Variants in FUT4 observed in about 807,000 individuals in gnomAD.
FUT4 encodes fucosyltransferase 4, also known as alpha-(1,3)-fucosyltransferase 4.
A neutral mutation model predicts 3.8 loss-of-function variants in FUT4; 1 was observed. The observed-to-expected ratio is 0.26, with a 90% CI of 0.09 to 1.25. The LOEUF is 1.25. FUT4 is among the 50% of genes most tolerant of loss of function. The probability of loss-of-function intolerance (pLI) is 0.47; values close to 1 mark genes in which losing one functional copy is unlikely to be tolerated. For synonymous variants in FUT4, 417 were observed against 355.3 expected (o/e 1.17, Z -1.95); for missense variants, 880 against 768.2 (o/e 1.15, Z -1.72).
At position 94,544,914 on chromosome 11, in the gene FUT4, G is replaced by T. The variant is rs1365492663; in HGVS notation, c.781G>T (p.Glu261Ter). 6.8e-6 allele frequency: 11 copies of T among 1,608,334 alleles called. No individual in the cohort carries two copies. The East Asian group carries it at 2.2e-4, about 33-fold the overall frequency. ...PPWGIQAHTA[E>*]EVDLRVLDYE... Reference sequence around the variant, plus strand: ...CTGGGGCATCCAGGCGCACACTGCCGAGGAGGTGGATCTGCGCGTGTTGGA... The same window carrying T: ...CTGGGGCATCCAGGCGCACACTGCCTAGGAGGTGGATCTGCGCGTGTTGGA... The change falls in exon 1 of 1, where the codon GAG becomes TAG. Residue 261 changes from glutamate to a stop codon, truncating the protein, a stop_gained. Coordinates refer to ENST00000358752, the MANE Select transcript of FUT4 (RefSeq NM_002033.4). LOFTEE classifies it low-confidence loss of function (END_TRUNC).
rs960153865 is a variant in FUT4, at chr11:94,544,715, G to A, written c.582G>A (p.Trp194Ter). The A allele has an allele frequency of 3.2e-6, 5 of 1,566,928 alleles. No individual in the cohort carries two copies. The highest frequency in any genetic ancestry group is 3.7e-5 in the Admixed American group (2 of 53,764). The change falls in exon 1 of 1, where the codon TGG (tryptophan) becomes TGA (stop). Residue 194 changes from tryptophan to a stop codon, truncating the protein, a stop_gained. Coordinates refer to ENST00000358752, the MANE Select transcript of FUT4 (RefSeq NM_002033.4). LOFTEE classifies it low-confidence loss of function (END_TRUNC). ...TPSRPVGVLL[W>*]WEPFGGRDSA... is the part of the protein sequence containing the mutation. ...CGCGACCGGTGGGCGTGCTGCTGTG[G>A]TGGGAGCCCTTCGGGGGGCGCGATA...
rs1947823989 is a variant in FUT4 at position 94,543,933 on chromosome 11, C to A, written c.-201C>A. ...GACGCTATCCTCCGTTCCGCGGCGC[C>A]GGGTCCGCCTTCCGTCTGTTCTAGG... is the stretch of plus-strand genomic sequence containing the variant. On this transcript the variant is annotated 5_prime_UTR_variant, in exon 1 of 1. Transcript: ENST00000358752. 1.4e-6 allele frequency: 1 copy of A among 713,592 alleles called. No homozygotes were observed. Among genetic ancestry groups the A allele is most frequent in the South Asian group, 7.4e-5 (1 of 13,572 alleles). 44.2% of individuals were successfully genotyped at this position (713,592 alleles called of 1,614,324 possible).
rs951661175 is a variant in FUT4, at chr11:94,547,944, T to A, written c.*2218T>A. The A allele has an allele frequency of 1.2e-5, 2 of 167,036 alleles. No individual in the cohort carries two copies. Among genetic ancestry groups the A allele is most frequent in the Admixed American group, 1.3e-4 (2 of 15,288 alleles). 10.3% of individuals were successfully genotyped at this position (167,036 alleles called of 1,614,324 possible). Reference sequence around the variant, plus strand: ...CAGGCACCCAATTGATGATTTTATATCTTCCTTCTTTGCTTGCAGTGATTT... The same window carrying A: ...CAGGCACCCAATTGATGATTTTATAACTTCCTTCTTTGCTTGCAGTGATTT... On this transcript the variant is annotated 3_prime_UTR_variant, in exon 1 of 1. Transcript: ENST00000358752.
At position 94,544,418 on chromosome 11, in the gene FUT4, G is replaced by T. The variant is rs755839269; in HGVS notation, c.285G>T (p.Arg95=). 3 of 1,525,544 alleles carry T rather than the reference G, an allele frequency of 2.0e-6. No individual in the cohort carries two copies. In the Admixed American group the frequency reaches 5.9e-5, roughly 30 times the overall value. The allele number at this position is 1,525,544 out of a possible 1,614,324, so 94.5% of individuals were successfully genotyped here. A position where few individuals can be genotyped will look rare whatever the true frequency, so the allele number is the denominator to read the frequency against. The change falls in exon 1 of 1, where the codon CGG becomes CGT. Residue 95 remains arginine (R), a synonymous_variant. Transcript: ENST00000358752. ...HSRASGERQR[R]LEPQLQHESR... ...GGGCCAGCGGCGAGCGGCAGCGACG[G>T]CTGGAGCCGCAGCTACAGCATGAGA...
rs1220092615 is a variant in FUT4, at chr11:94,547,618, G to A, written c.*1892G>A. On this transcript the variant is annotated 3_prime_UTR_variant, in exon 1 of 1. Coordinates refer to ENST00000358752, the MANE Select transcript of FUT4 (RefSeq NM_002033.4). ...TGTCCTCATTAAAGTATTAAAGTGT[G>A]GGCAGAATTACAATTACAAAGTGCC... 2 of 166,936 alleles carry A rather than the reference G, an allele frequency of 1.2e-5. No individual in the cohort carries two copies. The highest frequency in any genetic ancestry group is 2.9e-5 in the Non-Finnish European group (2 of 68,120). 10.3% of individuals were successfully genotyped at this position (166,936 alleles called of 1,614,324 possible). A position where few individuals can be genotyped will look rare whatever the true frequency, so the allele number is the denominator to read the frequency against.
At position 94,544,860 on chromosome 11, in the gene FUT4, G is replaced by T; in HGVS notation, c.727G>T (p.Val243Leu). 6.2e-7 allele frequency: 1 copy of T among 1,608,262 alleles called. No individual in the cohort carries two copies. Among genetic ancestry groups the T allele is most frequent in the Non-Finnish European group, 8.5e-7 (1 of 1,179,540 alleles). ...QAVLFHHRDL[V>L]KGPPDWPPPW... The stretch of plus-strand genomic sequence containing the variant: ...CGTGCTTTTCCACCACCGCGACCTC[G>T]TGAAGGGGCCCCCCGACTGGCCCCC... Residue 243 changes from valine (V) to leucine (L), a missense_variant, in exon 1 of 1, where the codon GTG (valine) becomes TTG (leucine). This residue lies in a region of FUT4 where 424 missense variants were observed against 400.4 expected (regional missense o/e 1.06). Transcript: ENST00000358752.
chr11:94,544,952 AGCG>A lies in FUT4; in HGVS notation c.828_830del (p.Ala277del). On this transcript the variant is annotated inframe_deletion, in exon 1 of 1. Coordinates refer to ENST00000358752, the MANE Select transcript of FUT4 (RefSeq NM_002033.4). ...TGCGCGTGTTGGACTACGAGGAGGC[AGCG>A]GCGGCGGCAGAAGCCCTGGCGACCT... 1 of 1,605,678 alleles carries A rather than the reference AGCG, an allele frequency of 6.2e-7. No homozygotes were observed. Among genetic ancestry groups the A allele is most frequent in the Non-Finnish European group, 8.5e-7 (1 of 1,176,622 alleles).
rs918815153 is a variant in FUT4, at chr11:94,546,624, C to T, written c.*898C>T. 6.0e-6 allele frequency: 1 copy of T among 166,180 alleles called. No homozygotes were observed. Among genetic ancestry groups the T allele is most frequent in the Non-Finnish European group, 1.5e-5 (1 of 68,086 alleles). 10.3% of individuals were successfully genotyped at this position (166,180 alleles called of 1,614,324 possible). On this transcript the variant is annotated 3_prime_UTR_variant, in exon 1 of 1. Transcript: ENST00000358752. ...AAATAAAGCAGAAGCAACCTTTTTC[C>T]CTCTTCCCAGAAAACCAGTCTGTGT...
rs1293365298 is a variant in FUT4, at chr11:94,544,978, C to T, written c.845C>T (p.Thr282Ile). Residue 282 changes from threonine to isoleucine, a missense_variant, in exon 1 of 1, where the codon ACC becomes ATC. By Grantham distance (89) the Thr-to-Ile change is moderately conservative (BLOSUM62 -1). Transcript: ENST00000358752. The part of the protein sequence containing the change: ...EAAAAAEALA[T>I]SSPRPPGQRW... Reference sequence around the variant, plus strand: ...GCGGCGGCGGCAGAAGCCCTGGCGACCTCCAGCCCCAGGCCCCCGGGCCAG... The same window carrying T: ...GCGGCGGCGGCAGAAGCCCTGGCGATCTCCAGCCCCAGGCCCCCGGGCCAG... The T allele has an allele frequency of 3.1e-6, 5 of 1,606,244 alleles. No individual in the cohort carries two copies. The highest frequency in any genetic ancestry group is 3.4e-6 in the Non-Finnish European group (4 of 1,176,580).
At position 94,545,050 on chromosome 11, in the gene FUT4, T is replaced by G; in HGVS notation, c.917T>G (p.Leu306Arg). ...GAGTCGCCCTCGCACTCCCCGGGGCTGCGAAGCCTGGCAAGTAACCTCTTC... is the reference window on the plus strand; with the variant it reads ...GAGTCGCCCTCGCACTCCCCGGGGCGGCGAAGCCTGGCAAGTAACCTCTTC... ...NFESPSHSPG[L>R]RSLASNLFNW... The change falls in exon 1 of 1, where the codon CTG becomes CGG. Residue 306 changes from leucine (L) to arginine (R), a missense_variant. Physicochemically the swap from Leu to Arg is moderately radical, Grantham distance 102. Transcript: ENST00000358752. 1 of 1,612,276 alleles carries G rather than the reference T, an allele frequency of 6.2e-7. No individual in the cohort carries two copies. The highest frequency in any genetic ancestry group is 8.5e-7 in the Non-Finnish European group (1 of 1,179,528).
chr11:94,547,066 A>G lies in FUT4; in HGVS notation c.*1340A>G, dbSNP rs1470347430. 3.0e-5 allele frequency: 5 copies of G among 167,126 alleles called. No homozygotes were observed. 10.4% of individuals were successfully genotyped at this position (167,126 alleles called of 1,614,324 possible). ...GCTATGGAACCAATCTTGAACATACATGCATTGACTTGACAAGTTACTGAG... is the reference window on the plus strand; with the variant it reads ...GCTATGGAACCAATCTTGAACATACGTGCATTGACTTGACAAGTTACTGAG... On this transcript the variant is annotated 3_prime_UTR_variant, in exon 1 of 1. Transcript: ENST00000358752.
rs1317808523 is a variant in FUT4 at position 94,544,114 on chromosome 11, G to C, written c.-20G>C. The C allele has an allele frequency of 1.4e-6, 2 of 1,382,014 alleles. No individual in the cohort carries two copies. Among genetic ancestry groups the C allele is most frequent in the African/African-American group, 1.5e-5 (1 of 65,048 alleles). 85.6% of individuals were successfully genotyped at this position (1,382,014 alleles called of 1,614,324 possible). A position where few individuals can be genotyped will look rare whatever the true frequency, so the allele number is the denominator to read the frequency against. ...CGCAGAGGGAAACCGGATCAGTTGA[G>C]AGAGAATCAAGAGTAGCGGATGAGG... On this transcript the variant is annotated 5_prime_UTR_variant, in exon 1 of 1. Transcript: ENST00000358752.
In FUT4 at chr11:94,545,763, A is replaced by G. The variant is rs955334999; in HGVS notation, c.*37A>G. 4 of 1,581,450 alleles carry G rather than the reference A, an allele frequency of 2.5e-6. No homozygotes were observed. Among genetic ancestry groups the G allele is most frequent in the African/African-American group, 2.7e-5 (2 of 74,034 alleles). ...CCTGGAAGCGACCCAGGGGAGGCCAAGTTGTCAGCTTTTTGATCCTCTACT... is the reference window on the plus strand; with the variant it reads ...CCTGGAAGCGACCCAGGGGAGGCCAGGTTGTCAGCTTTTTGATCCTCTACT... On this transcript the variant is annotated 3_prime_UTR_variant, in exon 1 of 1. Coordinates refer to ENST00000358752, the MANE Select transcript of FUT4 (RefSeq NM_002033.4).
rs548474022 is a variant in FUT4 at position 94,546,737 on chromosome 11, A to G, written c.*1011A>G. ...TACTGGACCTGAAATTTAAACTGCA[A>G]TGCCAGTCCTGCAGGAGTGCTGGCA... On this transcript the variant is annotated 3_prime_UTR_variant, in exon 1 of 1. Coordinates refer to ENST00000358752, the MANE Select transcript of FUT4 (RefSeq NM_002033.4). 6.0e-6 allele frequency: 1 copy of G among 167,100 alleles called. No individual in the cohort carries two copies. Among genetic ancestry groups the G allele is most frequent in the East Asian group, 1.9e-4 (1 of 5,190 alleles). 10.4% of individuals were successfully genotyped at this position (167,100 alleles called of 1,614,324 possible). A position where few individuals can be genotyped will look rare whatever the true frequency, so the allele number is the denominator to read the frequency against.
Position 94,544,685 on chromosome 11 carries a change from C to G in FUT4, c.552C>G (p.Thr184=). The change falls in exon 1 of 1, where the codon ACC becomes ACG. Residue 184 remains threonine, a synonymous_variant. Coordinates refer to ENST00000358752, the MANE Select transcript of FUT4 (RefSeq NM_002033.4). The stretch of plus-strand genomic sequence containing the variant: ...CGCCGCTGCCCTGGGCGTCGCCAAC[C>G]CCGTCGCGACCGGTGGGCGTGCTGC... ...QLPPLPWASP[T]PSRPVGVLLW... 1 of 1,542,924 alleles carries G rather than the reference C, an allele frequency of 6.5e-7. No homozygotes were observed. The highest frequency in any genetic ancestry group is 8.6e-7 in the Non-Finnish European group (1 of 1,158,780).
chr11:94,545,624 C>T lies in FUT4; in HGVS notation c.1491C>T (p.Thr497=), dbSNP rs1251832355. 6.2e-7 allele frequency: 1 copy of T among 1,613,144 alleles called. No individual in the cohort carries two copies. Among genetic ancestry groups the T allele is most frequent in the East Asian group, 2.2e-5 (1 of 44,866 alleles). ...HWRRSYAVHI[T]SFWDEPWCRV... is the part of the protein sequence containing the mutation. ...GCCGGAGCTACGCTGTCCACATCAC[C>T]TCCTTCTGGGACGAGCCTTGGTGCC... The change falls in exon 1 of 1, where the codon ACC becomes ACT. Residue 497 remains threonine, a synonymous_variant. Transcript: ENST00000358752.
Position 94,546,092 on chromosome 11 carries a change from C to T in FUT4, c.*366C>T, listed in dbSNP as rs1054048027. ...TCTGCCACAGGCCATATTTGTGGCCCGTGCAGCTTCCAAATCTCATACACA... is the reference window on the plus strand; with the variant it reads ...TCTGCCACAGGCCATATTTGTGGCCTGTGCAGCTTCCAAATCTCATACACA... On this transcript the variant is annotated 3_prime_UTR_variant, in exon 1 of 1. Transcript: ENST00000358752. The T allele has an allele frequency of 2.9e-5, 11 of 383,146 alleles. No homozygotes were observed. The highest frequency in any genetic ancestry group is 4.7e-5 in the Non-Finnish European group (9 of 189,922). The allele number at this position is 383,146 out of a possible 1,614,324, so 23.7% of individuals were successfully genotyped here.
chr11:94,544,345 G>A lies in FUT4; in HGVS notation c.212G>A (p.Gly71Glu), dbSNP rs757050490. 4.5e-6 allele frequency: 7 copies of A among 1,550,948 alleles called. No homozygotes were observed. Among genetic ancestry groups the A allele is most frequent in the Non-Finnish European group, 6.1e-6 (7 of 1,155,768 alleles). Residue 71 changes from glycine to glutamate, a missense_variant, in exon 1 of 1, where the codon GGG becomes GAG. Transcript: ENST00000358752. ...ARPARHLGGA[G>E]QGPRPLHSGT... ...CCCGCCCGGCACTTGGGAGGAGCAG[G>A]GCAGGGCCCGCGGCCTTTGCATTCT...
Position 94,546,555 on chromosome 11 carries a change from C to A in FUT4, c.*829C>A, listed in dbSNP as rs1384191736. 1 of 166,856 alleles carries A rather than the reference C, an allele frequency of 6.0e-6. No individual in the cohort carries two copies. Among genetic ancestry groups the A allele is most frequent in the African/African-American group, 2.4e-5 (1 of 41,434 alleles). The allele number at this position is 166,856 out of a possible 1,614,324, so 10.3% of individuals were successfully genotyped here. A position where few individuals can be genotyped will look rare whatever the true frequency, so the allele number is the denominator to read the frequency against. ...TTGTTTCTTCTGTCTTTATGTTTTTCTATAACCTGGATTTTTTAAATCATA... is the reference window on the plus strand; with the variant it reads ...TTGTTTCTTCTGTCTTTATGTTTTTATATAACCTGGATTTTTTAAATCATA... On this transcript the variant is annotated 3_prime_UTR_variant, in exon 1 of 1. Coordinates refer to ENST00000358752, the MANE Select transcript of FUT4 (RefSeq NM_002033.4).
Sources: gnomAD v4.1 joint callset for allele counts on GRCh38, gnomAD v4.1.1 for gene constraint, gnomAD v4.1.1 regional missense constraint, MANE v1.5 for transcripts, NCBI Gene and HGNC (gene_info 2026-07-23, HGNC 2026-07-21) for gene names.